SAMD12: variants seen among roughly 807,000 people sequenced by gnomAD.
SAMD12 encodes sterile alpha motif domain-containing protein 12.
A neutral mutation model predicts 15.0 loss-of-function variants in SAMD12; 9 were observed. That is an observed-to-expected ratio of 0.60 (90% CI 0.36 to 1.05). SAMD12 has a LOEUF of 1.05. Among genes scored for constraint, SAMD12 ranks in the 50% least tolerant of loss-of-function variants. The probability of loss-of-function intolerance (pLI) is 0.01; values close to 1 mark genes in which losing one functional copy is unlikely to be tolerated. For synonymous variants in SAMD12, 86 were observed against 90.1 expected (o/e 0.96, Z 0.25); for missense variants, 230 against 234.2 (o/e 0.98, Z 0.12).
chr8:118,508,211 G>A (rs1200535497), intron 2 of SAMD12, among the ~76,000 whole-genome samples: 1 of 148,230 alleles, frequency 6.7e-6, no homozygotes, highest in East Asian at 2.0e-4. Context: ...ACACAGGATG[G>A]GGAACATCAT....
chr8:118,553,126 A>T (rs1826400615), intron 2 of SAMD12, among the ~76,000 whole-genome samples: 1 of 151,618 alleles, frequency 6.6e-6, no homozygotes, highest in Non-Finnish European at 1.5e-5. Context: ...TTACAGATTC[A>T]ATGCCATCCC....
intron 2 of SAMD12, among the ~76,000 whole-genome samples, chr8:118,472,793 T>C (rs10108032): frequency 0.14 from 21,176 of 151,930 alleles, 1,656 homozygotes; most frequent in African/African-American, 0.19. Context: ...AAAAGCCTGG[T>C]ATACATTGCT....
At chr8:118,345,417 G>A (rs143855253) in intron 4 of SAMD12, among the ~76,000 whole-genome samples, 10 of 152,284 alleles carry the variant, frequency 6.6e-5, no homozygotes, top group Non-Finnish European at 1.0e-4. Context: ...AGTGATACGC[G>A]CTAAGGTATA....
intron 2 of SAMD12, among the ~76,000 whole-genome samples, chr8:118,521,822 A>G (rs1382655758): frequency 6.6e-6 from 1 of 152,238 alleles, no homozygotes; most frequent in Non-Finnish European, 1.5e-5. Flanking sequence ...GCATTCAACC[A>G]GACTCAGAAG....
chr8:118,478,880 T>G (rs1047769367), intron 2 of SAMD12, among the ~76,000 whole-genome samples: 1 of 152,198 alleles, frequency 6.6e-6, no homozygotes, highest in Non-Finnish European at 1.5e-5. Context: ...GACATTAAGC[T>G]ACCCAAGCAA....
chr8:118,165,309 G>A, the SAMD12 span, among the ~76,000 whole-genome samples: 1 of 151,966 alleles, frequency 6.6e-6, no homozygotes. Flanking sequence ...AATACAACTC[G>A]GGAACAGCCA....
chr8:118,621,738 C>T (rs1828413839), intron 1 of SAMD12, 66 bp downstream of exon 1: 14 of 1,578,914 alleles, frequency 8.9e-6, no homozygotes, highest in African/African-American at 1.3e-5. Context: ...CAAGCTTCAT[C>T]GGGGATGTGT....
At chr8:118,607,610 T>A (rs932043954) in intron 1 of SAMD12, among the ~76,000 whole-genome samples, 1 of 152,224 alleles carries the variant, frequency 6.6e-6, no homozygotes, top group African/African-American at 2.4e-5. Context: ...TGTGTGACCA[T>A]GAGCAAGTTA....
intron 2 of SAMD12, among the ~76,000 whole-genome samples, chr8:118,497,553 C>G (rs1824652244): frequency 6.6e-6 from 1 of 151,880 alleles, no homozygotes; most frequent in South Asian, 2.1e-4. Flanking sequence ...ATAATAGACA[C>G]CAGGGCCGAC....
At chr8:118,175,034 CAAA>C in the SAMD12 span, among the ~76,000 whole-genome samples, 1,628 of 78,822 alleles carry the variant, frequency 0.021, 37 homozygotes, top group African/African-American at 0.057. Flanking sequence ...CAAAAAAAAA[CAAA>C]AAAAAAAAAA....
At position 118,215,616 on chromosome 8, in the gene SAMD12, C is replaced by T. The variant is rs1162010588; in HGVS notation, c.434-17884G>A. Among the ~76,000 whole-genome samples, 3 of 150,484 alleles carry T rather than the reference C, an allele frequency of 2.0e-5. No homozygotes were observed. In the South Asian group the frequency reaches 6.4e-4, roughly 32 times the overall value. On this transcript the variant is annotated intron_variant, in intron 4 of 4. Transcript: ENST00000409003. Reference sequence around the variant, plus strand: ...TCTCCCAATGCTATCCCTCCCCTCTCCCCCCACCCCACCACAGTCCCCAGA... The same window carrying T: ...TCTCCCAATGCTATCCCTCCCCTCTTCCCCCACCCCACCACAGTCCCCAGA...
intron 1 of SAMD12, among the ~76,000 whole-genome samples, chr8:118,581,632 T>C (rs72678164): frequency 6.6e-6 from 1 of 152,250 alleles, no homozygotes; most frequent in Non-Finnish European, 1.5e-5. Flanking sequence ...TAAAGCTGAT[T>C]TTCTGGGGAT....
chr8:118,151,119 A>G, the SAMD12 span, among the ~76,000 whole-genome samples: 8,458 of 152,080 alleles, frequency 0.056, 754 homozygotes, highest in African/African-American at 0.19. Context: ...TTTCTAGCTC[A>G]CATTATTTCT....
intron 3 of SAMD12, among the ~76,000 whole-genome samples, chr8:118,381,220 G>A (rs1225240380): frequency 6.6e-6 from 1 of 152,196 alleles, no homozygotes; most frequent in East Asian, 1.9e-4. Flanking sequence ...GTTCTTGGAT[G>A]TGCGGTGGTT....
At chr8:118,437,611 AGT>A (rs1308143797) in intron 3 of SAMD12, among the ~76,000 whole-genome samples, 1 of 152,184 alleles carries the variant, frequency 6.6e-6, no homozygotes, top group African/African-American at 2.4e-5. Context: ...AGTGAGGTTA[AGT>A]AACTTGCCCA....
At chr8:118,341,001 G>T (rs1817337181) in intron 4 of SAMD12, among the ~76,000 whole-genome samples, 1 of 152,192 alleles carries the variant, frequency 6.6e-6, no homozygotes, top group Non-Finnish European at 1.5e-5. Context: ...TCACACTTTT[G>T]TGGGTGAGGC....
At chr8:118,194,616 G>A (rs2514741) in exon 5 of SAMD12, 1 of 152,072 alleles carries the variant, frequency 6.6e-6, no homozygotes, top group Non-Finnish European at 1.5e-5. Flanking sequence ...TAGGTAAAAG[G>A]AAAAGTCAAG....
intron 3 of SAMD12, among the ~76,000 whole-genome samples, chr8:118,439,386 T>A (rs929636848): frequency 1.2e-4 from 18 of 152,180 alleles, no homozygotes; most frequent in Admixed American, 9.2e-4. Flanking sequence ...CTCTTTCACA[T>A]GATTGGATAC....
chr8:118,362,711 C>A (rs923907908), intron 4 of SAMD12, among the ~76,000 whole-genome samples: 4 of 152,160 alleles, frequency 2.6e-5, no homozygotes, highest in Admixed American at 6.6e-5. Flanking sequence ...ATACTTCAAA[C>A]CCTCATGGTC....
Sources: allele counts gnomAD v4.1 joint callset (sites outside exome capture counted in the v4.1 genomes callset), GRCh38; gene constraint gnomAD v4.1.1; transcripts MANE v1.5; gene names NCBI Gene and HGNC (gene_info 2026-07-23, HGNC 2026-07-21).